The following ADCY2 variants were observed in gnomAD, a reference collection of about 807,000 sequenced individuals.
ADCY2 encodes adenylate cyclase 2.
Under a neutral mutation model 125.2 loss-of-function variants are expected in ADCY2, and 31 were observed. The observed-to-expected ratio is 0.25, with a 90% CI of 0.19 to 0.33. The LOEUF is 0.33. Ranked by LOEUF, ADCY2 falls within the 10% of genes least tolerant of loss-of-function variation. ADCY2 has a pLI of 1.00. For missense variants in ADCY2, 904 were observed against 1,418.2 expected (o/e 0.64, Z 5.82); for synonymous variants, 512 against 548.4 (o/e 0.93, Z 0.93).
chr5:7,646,162 G>C (rs900637882), intron 4 of ADCY2, among the ~76,000 whole-genome samples: 18 of 151,992 alleles, frequency 1.2e-4, no homozygotes, highest in African/African-American at 4.3e-4. Flanking sequence ...AGTAAAACTT[G>C]ATTAAGACTA....
intron 3 of ADCY2, among the ~76,000 whole-genome samples, chr5:7,525,235 G>A (rs565980359): frequency 2.0e-5 from 3 of 152,272 alleles, no homozygotes; most frequent in South Asian, 4.2e-4. Flanking sequence ...TCGAACTCCT[G>A]AGCTCAGGCA....
intron 3 of ADCY2, among the ~76,000 whole-genome samples, chr5:7,554,949 C>A (rs1042260525): frequency 6.6e-6 from 1 of 152,146 alleles, no homozygotes; most frequent in Non-Finnish European, 1.5e-5. Flanking sequence ...CAGGTGTCAT[C>A]CAGAATGTAT....
intron 2 of ADCY2, among the ~76,000 whole-genome samples, chr5:7,447,470 G>T (rs1741309605): frequency 6.6e-6 from 1 of 152,186 alleles, no homozygotes; most frequent in African/African-American, 2.4e-5. Context: ...GGACCTCAGG[G>T]CCTGTCCAGC....
chr5:7,584,380 A>G (rs1736549550), intron 3 of ADCY2, among the ~76,000 whole-genome samples: 2 of 152,266 alleles, frequency 1.3e-5, no homozygotes, highest in East Asian at 1.9e-4. Flanking sequence ...AGAACACTTC[A>G]TAGGTCACTT....
At chr5:7,507,461 A>AAAAAAT (rs374187517) in intron 2 of ADCY2, among the ~76,000 whole-genome samples, 5 of 114,112 alleles carry the variant, frequency 4.4e-5, no homozygotes, top group African/African-American at 6.6e-5. Flanking sequence ...AAAAAAAAAA[A>AAAAAAT]GGTAACAAAG....
intron 2 of ADCY2, among the ~76,000 whole-genome samples, chr5:7,494,671 G>C (rs1274512747): frequency 6.6e-6 from 1 of 152,144 alleles, no homozygotes; most frequent in African/African-American, 2.4e-5. Context: ...AGTGGTTACG[G>C]AGGCAGAGAC....
intron 4 of ADCY2, among the ~76,000 whole-genome samples, chr5:7,633,400 C>T (rs988995038): frequency 2.0e-5 from 3 of 148,588 alleles, no homozygotes; most frequent in Admixed American, 6.7e-5. Context: ...CACAGCACTG[C>T]ACTCCAGCCT....
rs1234360650 is a variant in ADCY2 at position 7,524,423 on chromosome 5, C to A, written c.570+3524C>A. Among the ~76,000 whole-genome samples the A allele has an allele frequency of 2.6e-5, 4 of 152,170 alleles. No homozygotes were observed. In the East Asian group the frequency reaches 7.8e-4, roughly 30 times the overall value. ...TGCAAACACTGGGAAGTCCACATTGCTCTATGACTGCTATCTGATGCCCGG... is the reference window on the plus strand; with the variant it reads ...TGCAAACACTGGGAAGTCCACATTGATCTATGACTGCTATCTGATGCCCGG... On this transcript the variant is annotated intron_variant, in intron 3 of 24. Coordinates refer to ENST00000338316, the MANE Select transcript of ADCY2 (RefSeq NM_020546.3).
chr5:7,638,368 C>T (rs1418306127), intron 4 of ADCY2, among the ~76,000 whole-genome samples: 1 of 152,132 alleles, frequency 6.6e-6, no homozygotes. Flanking sequence ...GCAGCCCGCA[C>T]CTATGACCTC....
intron 12 of ADCY2, among the ~76,000 whole-genome samples, chr5:7,724,114 C>CAAAAAAAAAAA (rs1272949604): frequency 2.6e-5 from 2 of 76,558 alleles, no homozygotes; most frequent in Non-Finnish European, 2.3e-5. Flanking sequence ...TAGAAGCTAA[C>CAAAAAAAAAAA]AAAAAAAAAA....
chr5:7,591,354 A>G (rs938299243), intron 3 of ADCY2, among the ~76,000 whole-genome samples: 4 of 152,214 alleles, frequency 2.6e-5, no homozygotes, highest in African/African-American at 9.6e-5. Context: ...CAGAAAGTTT[A>G]AGAAAGTAAT....
At chr5:7,440,993 G>A (rs976575739) in intron 2 of ADCY2, among the ~76,000 whole-genome samples, 7 of 152,146 alleles carry the variant, frequency 4.6e-5, no homozygotes, top group Non-Finnish European at 8.8e-5. Context: ...GGCAGGGAAC[G>A]GAGCTGCAGA....
chr5:7,718,613 C>T lies in ADCY2; in HGVS notation c.1703+1376C>T, dbSNP rs148974190. Among the ~76,000 whole-genome samples the T allele has an allele frequency of 1.1e-4, 16 of 152,170 alleles. No individual in the cohort carries two copies. In the East Asian group the frequency reaches 2.3e-3, roughly 22 times the overall value. ...TCTTGGTCAGGGAAGAGTTGCCATT[C>T]GGATGTGCTAGAACACTGAATTGTC... is the stretch of plus-strand genomic sequence containing the variant. On this transcript the variant is annotated intron_variant, in intron 12 of 24. Coordinates refer to ENST00000338316, the MANE Select transcript of ADCY2 (RefSeq NM_020546.3).
At chr5:7,656,776 C>T (rs1349009335) in intron 4 of ADCY2, among the ~76,000 whole-genome samples, 1 of 152,144 alleles carries the variant, frequency 6.6e-6, no homozygotes, top group Non-Finnish European at 1.5e-5. Flanking sequence ...GATGAGAGAT[C>T]CTGGGTTCAG....
intron 3 of ADCY2, among the ~76,000 whole-genome samples, chr5:7,524,906 T>G (rs1327452560): frequency 6.6e-6 from 1 of 152,262 alleles, no homozygotes; most frequent in African/African-American, 2.4e-5. Flanking sequence ...GGCATCTAAC[T>G]TGTTTCAATT....
intron 4 of ADCY2, among the ~76,000 whole-genome samples, chr5:7,673,257 A>ATATATATATATATATATAT (rs1284363963): frequency 8.4e-5 from 1 of 11,976 alleles, no homozygotes; most frequent in Non-Finnish European, 1.7e-4. Context: ...AAAAAAAAAA[A>ATATATATATATATATATAT]AAAAAAAAAA....
chr5:7,680,946 A>C (rs1332557344), intron 4 of ADCY2, among the ~76,000 whole-genome samples: 1 of 152,234 alleles, frequency 6.6e-6, no homozygotes, highest in Non-Finnish European at 1.5e-5. Flanking sequence ...AGAAAGCTTA[A>C]AAAATACCAT....
rs574251811 is a variant in ADCY2 at position 7,772,098 on chromosome 5, T to C, written c.2215-834T>C. On this transcript the variant is annotated intron_variant, in intron 17 of 24. Coordinates refer to ENST00000338316, the MANE Select transcript of ADCY2 (RefSeq NM_020546.3). ...TTTTCAATGACCTACAAGGAGAATATGATTACCCTCATTTTACAGTGTCAT... is the reference window on the plus strand; with the variant it reads ...TTTTCAATGACCTACAAGGAGAATACGATTACCCTCATTTTACAGTGTCAT... 3.9e-5 allele frequency among the ~76,000 whole-genome samples: 6 copies of C among 152,326 alleles called. 1 individual carries two copies. The South Asian group carries it at 1.0e-3, about 26-fold the overall frequency.
intron 3 of ADCY2, among the ~76,000 whole-genome samples, chr5:7,570,300 T>G (rs1217945592): frequency 6.6e-6 from 1 of 152,126 alleles, no homozygotes; most frequent in Non-Finnish European, 1.5e-5. Flanking sequence ...GTGTTAAATA[T>G]CATCATGAGA....
Sources: gnomAD v4.1 joint callset for allele counts (sites outside exome capture counted in the v4.1 genomes callset) on GRCh38, gnomAD v4.1.1 for gene constraint, MANE v1.5 for transcripts, NCBI Gene and HGNC (gene_info 2026-07-23, HGNC 2026-07-21) for gene names.